The following NDC80 variants were observed in gnomAD, a reference collection of about 807,000 sequenced individuals.
The protein encoded by NDC80 is kinetochore protein NDC80 homolog.
NDC80 carries 69 observed loss-of-function variants against 89.3 expected under a neutral mutation model. The observed-to-expected ratio is 0.77, with a 90% confidence interval of 0.64 to 0.94. NDC80 has a LOEUF of 0.94. Ranked by LOEUF, NDC80 falls within the 40% of genes least tolerant of loss-of-function variation. The pLI, the probability that NDC80 is intolerant of heterozygous loss-of-function variation, is 0.00. For synonymous variants in NDC80, 243 were observed against 255.6 expected (o/e 0.95, Z 0.47); for missense variants, 593 against 739.6 (o/e 0.80, Z 2.30).
intron 7 of NDC80, among the ~76,000 whole-genome samples, chr18:2,587,545 T>C (rs1005058759): frequency 1.3e-5 from 2 of 152,240 alleles, no homozygotes; most frequent in South Asian, 2.1e-4. Flanking sequence ...CCCTGTTTGT[T>C]TGACCTTCTC....
intron 1 of NDC80, among the ~76,000 whole-genome samples, 175 bp downstream of exon 1, chr18:2,571,858 T>G (rs1210359768): frequency 6.6e-6 from 1 of 152,138 alleles, no homozygotes; most frequent in African/African-American, 2.4e-5. Flanking sequence ...CGGGATCTAT[T>G]AAATTTCTAG....
At chr18:2,585,291 T>C (rs2072598157) in intron 7 of NDC80, 89 bp downstream of exon 7, 3 of 996,952 alleles carry the variant, frequency 3.0e-6, no homozygotes, top group Non-Finnish European at 4.6e-6. Flanking sequence ...CCTCGACTTA[T>C]GATAGAGTAA....
chr18:2,616,551 C>A lies in NDC80; in HGVS notation c.1906C>A (p.Leu636Ile). ...IRDKYEKKATLIKSSEE is the reference protein window; with the variant it reads ...IRDKYEKKATIIKSSEE Reference sequence around the variant, plus strand: ...AGATAAGTATGAGAAGAAAGCTACTCTAATTAAGTCTTCTGAAGAATGAAG... The same window carrying A: ...AGATAAGTATGAGAAGAAAGCTACTATAATTAAGTCTTCTGAAGAATGAAG... The change falls in exon 17 of 17, where the codon CTA becomes ATA. Residue 636 changes from leucine (L) to isoleucine (I), a missense_variant. Transcript: ENST00000261597. The A allele has an allele frequency of 1.4e-6, 2 of 1,436,664 alleles. No individual in the cohort carries two copies. The highest frequency in any genetic ancestry group is 1.4e-5 in the South Asian group (1 of 73,344). The allele number at this position is 1,436,664 out of a possible 1,614,324, so 89.0% of individuals were successfully genotyped here.
chr18:2,588,361 T>C (rs8095256), intron 8 of NDC80, among the ~76,000 whole-genome samples: 9,605 of 152,148 alleles, frequency 0.063, 327 homozygotes, highest in African/African-American at 0.082. Context: ...CTTTCAAAAT[T>C]TGTGGCAAAA....
At position 2,590,170 on chromosome 18, in the gene NDC80, G is replaced by A. The variant is rs968927585; in HGVS notation, c.1015+8G>A. 2 of 1,570,658 alleles carry A rather than the reference G, an allele frequency of 1.3e-6. No homozygotes were observed. Among genetic ancestry groups the A allele is most frequent in the Admixed American group, 3.9e-5 (2 of 51,496 alleles). On this transcript the variant is annotated splice_region_variant and intron_variant, in intron 10 of 16. Transcript: ENST00000261597. ...AGGAAATTGCTAGAGTAGGTAAGCA[G>A]AGCTAATGCTAAAAGACTGGGATGC... is the stretch of plus-strand genomic sequence containing the variant.
rs577118012 is a variant in NDC80 at position 2,578,427 on chromosome 18, A to AG, written c.476+286_476+287insG. ...TCCACTTTTCTTTGTTTAAAAAAAA[A>AG]CTACTCGTAGATTATTACAGAGCAA... On this transcript the variant is annotated intron_variant, in intron 5 of 16. Coordinates refer to ENST00000261597, the MANE Select transcript of NDC80 (RefSeq NM_006101.3). Among the ~76,000 whole-genome samples the AG allele has an allele frequency of 1.3e-3, 192 of 152,306 alleles. 1 individual carries two copies. The highest frequency in any genetic ancestry group is 2.4e-3 in the Non-Finnish European group (162 of 68,024).
At chr18:2,572,833 C>T in intron 1 of NDC80, 144 bp from the exon 2 acceptor site, 1 of 624,070 alleles carries the variant, frequency 1.6e-6, no homozygotes, top group South Asian at 2.2e-5. Context: ...TGTACATGAA[C>T]AAAAAAGAGA....
Position 2,585,205 on chromosome 18 carries a change from A to G in NDC80, c.669+3A>G, listed in dbSNP as rs1420363771. 4 of 1,595,936 alleles carry G rather than the reference A, an allele frequency of 2.5e-6. No homozygotes were observed. In the South Asian group the frequency reaches 4.4e-5, roughly 18 times the overall value. On this transcript the variant is annotated splice_donor_region_variant and intron_variant, in intron 7 of 16. Coordinates refer to ENST00000261597, the MANE Select transcript of NDC80 (RefSeq NM_006101.3). ...AAGATGGAATTATGCATAATAAGGTACCATGTATTATCATAAACTGTAATA... is the reference window on the plus strand; with the variant it reads ...AAGATGGAATTATGCATAATAAGGTGCCATGTATTATCATAAACTGTAATA...
chr18:2,611,779 T>A (rs1219403517), intron 16 of NDC80, among the ~76,000 whole-genome samples: 1 of 152,110 alleles, frequency 6.6e-6, no homozygotes, highest in Non-Finnish European at 1.5e-5. Flanking sequence ...AAAAATTCAC[T>A]TTATCATATT....
intron 11 of NDC80, among the ~76,000 whole-genome samples, chr18:2,596,370 T>C (rs1225661868): frequency 2.0e-5 from 3 of 151,850 alleles, no homozygotes; most frequent in Non-Finnish European, 4.4e-5. Flanking sequence ...GCGAAGGACA[T>C]GAACAGACAC....
At chr18:2,578,281 G>A in intron 5 of NDC80, 140 bp downstream of exon 5, 3 of 788,786 alleles carry the variant, frequency 3.8e-6, no homozygotes, top group Non-Finnish European at 3.8e-6. Flanking sequence ...AGGATAAATT[G>A]AAGAGAAAAA....
chr18:2,583,692 C>T (rs547959735), intron 6 of NDC80, among the ~76,000 whole-genome samples: 8 of 125,472 alleles, frequency 6.4e-5, no homozygotes, highest in African/African-American at 1.9e-4. Flanking sequence ...AGGGAGACTC[C>T]GTCTCAAAAA....
At chr18:2,581,199 C>A (rs2072576398) in intron 6 of NDC80, among the ~76,000 whole-genome samples, 1 of 152,052 alleles carries the variant, frequency 6.6e-6, no homozygotes, top group Non-Finnish European at 1.5e-5. Context: ...GCCTTTTTTC[C>A]TCCCCAGTGT....
At chr18:2,574,073 C>G (rs1325841395) in intron 2 of NDC80, among the ~76,000 whole-genome samples, 1 of 152,152 alleles carries the variant, frequency 6.6e-6, no homozygotes, top group East Asian at 1.9e-4. Context: ...CTTAACTGGA[C>G]TTCCTACCTA....
chr18:2,575,477 G>T (rs1332611450), intron 3 of NDC80, among the ~76,000 whole-genome samples: 1 of 151,988 alleles, frequency 6.6e-6, no homozygotes, highest in Non-Finnish European at 1.5e-5. Flanking sequence ...AGCCAGGCAG[G>T]CATGCAGACC....
chr18:2,589,310 G>A lies in NDC80; in HGVS notation c.870G>A (p.Pro290=), dbSNP rs1043016472. The A allele has an allele frequency of 6.2e-6, 10 of 1,605,938 alleles. No individual in the cohort carries two copies. The highest frequency in any genetic ancestry group is 1.3e-5 in the African/African-American group (1 of 74,698). ...TGGAACAAGAAAGAGAAAAAGAACCGGTTAGTAAACATGTTTACACACTTA... is the reference window on the plus strand; with the variant it reads ...TGGAACAAGAAAGAGAAAAAGAACCAGTTAGTAAACATGTTTACACACTTA... ...ARLEQEREKE[P]NRLESLRKLK... is the part of the protein sequence containing the mutation. The change falls in exon 9 of 17, where the codon CCG becomes CCA. Residue 290 remains proline (P), a splice_region_variant and synonymous_variant. Coordinates refer to ENST00000261597, the MANE Select transcript of NDC80 (RefSeq NM_006101.3).
intron 11 of NDC80, among the ~76,000 whole-genome samples, 200 bp from the exon 12 acceptor site, chr18:2,598,819 T>C (rs2072670054): frequency 6.6e-6 from 1 of 152,200 alleles, no homozygotes; most frequent in African/African-American, 2.4e-5. Flanking sequence ...GTCTTAATTA[T>C]TCTGTAAATT....
In NDC80 at chr18:2,577,821, A is replaced by G. The variant is rs2072555072; in HGVS notation, c.255A>G (p.Pro85=). 6.2e-7 allele frequency: 1 copy of G among 1,614,166 alleles called. No homozygotes were observed. Among genetic ancestry groups the G allele is most frequent in the East Asian group, 2.2e-5 (1 of 44,864 alleles). The change falls in exon 4 of 17, where the codon CCA becomes CCG. Residue 85 remains proline (P), a synonymous_variant. Coordinates refer to ENST00000261597, the MANE Select transcript of NDC80 (RefSeq NM_006101.3). The part of the protein sequence containing the change: ...SSSEKIKDPR[P]LNDKAFIQQC... ...CTGAGAAAATCAAGGACCCGAGACC[A>G]CTTAATGACAAAGCATTCATTCAGC...
chr18:2,598,633 A>G (rs1310155567), intron 11 of NDC80, among the ~76,000 whole-genome samples: 1 of 152,238 alleles, frequency 6.6e-6, no homozygotes, highest in Non-Finnish European at 1.5e-5. Flanking sequence ...TATTTTGGAT[A>G]CATGAAATGT....
Sources: gnomAD v4.1 joint callset for allele counts (sites outside exome capture counted in the v4.1 genomes callset) on GRCh38, gnomAD v4.1.1 for gene constraint, MANE v1.5 for transcripts, NCBI Gene and HGNC (gene_info 2026-07-23, HGNC 2026-07-21) for gene names.